The following MAGI2 variants were observed in gnomAD, a reference collection of about 807,000 sequenced individuals.
MAGI2 encodes the protein membrane associated guanylate kinase, WW and PDZ domain containing 2.
MAGI2 carries 35 observed loss-of-function variants against 133.3 expected under a neutral mutation model. The ratio of observed to expected loss-of-function variants is 0.26; its 90% confidence interval spans 0.20 to 0.35. The LOEUF is 0.35. Among genes scored for constraint, MAGI2 ranks in the 10% least tolerant of loss-of-function variants. The pLI is 1.00. For missense variants in MAGI2, 1,636 were observed against 1,863.4 expected, an observed-to-expected ratio of 0.88 and a Z score of 2.25; for synonymous variants, 729 against 710.6, an observed-to-expected ratio of 1.03 and a Z score of -0.41.
At position 78,497,742 on chromosome 7, in the gene MAGI2, A is replaced by ATCTGTCTGTCTGTCTGTCTGTCTG. The variant is rs1234566826; in HGVS notation, c.965+3834_965+3835insCAGACAGACAGACAGACAGACAGA. On this transcript the variant is annotated intron_variant, in intron 5 of 21. Transcript: ENST00000354212. ...AACTATTCTATCTATCTATCTATCT[A>ATCTGTCTGTCTGTCTGTCTGTCTG]TCTATCTATCTATCTATCTATCTTT... is the stretch of plus-strand genomic sequence containing the variant. Among the ~76,000 whole-genome samples the ATCTGTCTGTCTGTCTGTCTGTCTG allele has an allele frequency of 6.0e-3, 718 of 120,326 alleles. 7 individuals are homozygous for ATCTGTCTGTCTGTCTGTCTGTCTG. The highest frequency in any genetic ancestry group is 0.031 in the Middle Eastern group (7 of 226). 78.9% of individuals were successfully genotyped at this position (120,326 alleles called of 152,430 possible).
At chr7:79,021,990 T>G (rs956934375) in intron 1 of MAGI2, among the ~76,000 whole-genome samples, 2 of 152,284 alleles carry the variant, frequency 1.3e-5, no homozygotes, top group Non-Finnish European at 2.9e-5. Context: ...GATGGCTTCA[T>G]AAGGGTTTCC....
At chr7:78,716,039 G>T (rs1413038821) in intron 2 of MAGI2, among the ~76,000 whole-genome samples, 1 of 152,132 alleles carries the variant, frequency 6.6e-6, no homozygotes, top group East Asian at 1.9e-4. Flanking sequence ...GAGACTAGGG[G>T]CTTTGTGTAT....
intron 1 of MAGI2, among the ~76,000 whole-genome samples, chr7:79,367,679 C>T (rs2129129494): frequency 6.6e-6 from 1 of 151,722 alleles, no homozygotes; most frequent in South Asian, 2.1e-4. Flanking sequence ...TAAATATATG[C>T]TCAATACAAG....
At chr7:78,577,198 G>A (rs1021749199) in intron 3 of MAGI2, among the ~76,000 whole-genome samples, 18 of 152,000 alleles carry the variant, frequency 1.2e-4, no homozygotes, top group Non-Finnish European at 2.1e-4. Context: ...ACTTAAATAG[G>A]TGCTACTAAT....
chr7:78,569,108 C>A (rs1444307542), intron 3 of MAGI2, among the ~76,000 whole-genome samples: 3 of 144,330 alleles, frequency 2.1e-5, no homozygotes, highest in Admixed American at 7.1e-5. Flanking sequence ...GTGACCCCTG[C>A]CACATATGTG....
intron 20 of MAGI2, among the ~76,000 whole-genome samples, chr7:78,113,623 T>C (rs1819576165): frequency 6.6e-6 from 1 of 152,198 alleles, no homozygotes; most frequent in Non-Finnish European, 1.5e-5. Context: ...CTAGGAGCTA[T>C]AGGTTGGTGG....
At chr7:78,794,171 A>T (rs1430328810) in intron 2 of MAGI2, among the ~76,000 whole-genome samples, 4 of 152,182 alleles carry the variant, frequency 2.6e-5, no homozygotes, top group African/African-American at 9.7e-5. Flanking sequence ...ATTACAACTG[A>T]CTAAGAACTG....
intron 9 of MAGI2, among the ~76,000 whole-genome samples, chr7:78,334,217 C>T (rs1412389569): frequency 2.0e-5 from 3 of 152,144 alleles, no homozygotes; most frequent in African/African-American, 7.2e-5. Flanking sequence ...TGGGAAATCA[C>T]TGGATGACCA....
chr7:78,297,977 A>G (rs1486884729), intron 9 of MAGI2, among the ~76,000 whole-genome samples: 7 of 114,568 alleles, frequency 6.1e-5, no homozygotes, highest in African/African-American at 3.2e-4. Flanking sequence ...CTAGAACTTA[A>G]AGTATAATTA....
intron 21 of MAGI2, 153 bp downstream of exon 21, chr7:78,078,794 G>A: frequency 4.2e-6 from 3 of 722,118 alleles, no homozygotes; most frequent in East Asian, 2.7e-5. Context: ...GTGTATGTGT[G>A]TGTGTGTGTG....
chr7:78,669,515 C>A (rs1242453818), intron 2 of MAGI2, among the ~76,000 whole-genome samples: 4 of 152,294 alleles, frequency 2.6e-5, no homozygotes, highest in East Asian at 3.9e-4. Context: ...GGTACCATTA[C>A]TTCTGAAACT....
chr7:78,883,786 A>G (rs751281693), intron 2 of MAGI2, among the ~76,000 whole-genome samples: 7 of 152,232 alleles, frequency 4.6e-5, no homozygotes, highest in Non-Finnish European at 8.8e-5. Context: ...TGGTGCTGGG[A>G]TAACTGGCTA....
At chr7:79,224,161 G>C (rs1040979722) in intron 1 of MAGI2, among the ~76,000 whole-genome samples, 59 of 151,938 alleles carry the variant, frequency 3.9e-4, no homozygotes, top group African/African-American at 1.4e-3. Context: ...ATCCTAAACT[G>C]TTCTTGTTGA....
chr7:79,225,776 G>T (rs886754488), intron 1 of MAGI2, among the ~76,000 whole-genome samples: 1 of 152,140 alleles, frequency 6.6e-6, no homozygotes, highest in Admixed American at 6.5e-5. Flanking sequence ...AGAGGATGAG[G>T]ATAATCCATG....
At chr7:79,339,969 A>G (rs1220703869) in intron 1 of MAGI2, among the ~76,000 whole-genome samples, 1 of 152,158 alleles carries the variant, frequency 6.6e-6, no homozygotes, top group East Asian at 1.9e-4. Flanking sequence ...TCTTAAGTAC[A>G]TATATCCTGA....
chr7:78,347,230 AGC>A, intron 7 of MAGI2: 2 of 152,318 alleles, frequency 1.3e-5, no homozygotes, highest in Non-Finnish European at 1.5e-5. Context: ...AACCACTTAC[AGC>A]TTCAGAAAGG....
At chr7:79,033,837 T>C (rs1810850274) in intron 1 of MAGI2, among the ~76,000 whole-genome samples, 1 of 152,100 alleles carries the variant, frequency 6.6e-6, no homozygotes, top group South Asian at 2.1e-4. Context: ...ACACTGTAAA[T>C]AAATTAAGGG....
At chr7:78,136,520 C>T (rs1822155482) in intron 16 of MAGI2, among the ~76,000 whole-genome samples, 1 of 152,152 alleles carries the variant, frequency 6.6e-6, no homozygotes, top group Non-Finnish European at 1.5e-5. Context: ...TGTTTAAGTA[C>T]CTACCAAGAT....
At chr7:79,243,743 A>G (rs1832607181) in intron 1 of MAGI2, among the ~76,000 whole-genome samples, 1 of 152,178 alleles carries the variant, frequency 6.6e-6, no homozygotes, top group Non-Finnish European at 1.5e-5. Context: ...TCCATAACTT[A>G]AAACAGTATC....
Sources: allele counts gnomAD v4.1 joint callset (sites outside exome capture counted in the v4.1 genomes callset), GRCh38; gene constraint gnomAD v4.1.1; transcripts MANE v1.5; gene names NCBI Gene and HGNC (gene_info 2026-07-23, HGNC 2026-07-21).